Variants in SLC24A2 observed in about 807,000 individuals in gnomAD.
SLC24A2 encodes solute carrier family 24 member 2.
SLC24A2 carries 36 observed loss-of-function variants against 62.0 expected under a neutral mutation model. The ratio of observed to expected loss-of-function variants is 0.58; its 90% CI spans 0.44 to 0.77. SLC24A2 has a LOEUF of 0.77. Ranked by LOEUF, SLC24A2 falls within the 30% of genes least tolerant of loss-of-function variation. The pLI, the probability that SLC24A2 is intolerant of heterozygous loss-of-function variation, is 0.00. For synonymous variants in SLC24A2, 358 were observed against 294.0 expected (o/e 1.22, Z -2.23); for missense variants, 846 against 817.9 (o/e 1.03, Z -0.42).
At chr9:20,036,909 T>G in the SLC24A2 span, among the ~76,000 whole-genome samples, 1 of 105,734 alleles carries the variant, frequency 9.5e-6, no homozygotes, top group African/African-American at 4.1e-5. Flanking sequence ...TATGTATGTA[T>G]GTATATACAT....
At chr9:20,150,086 C>A in the SLC24A2 span, among the ~76,000 whole-genome samples, 1 of 151,952 alleles carries the variant, frequency 6.6e-6, no homozygotes, top group East Asian at 1.9e-4. Flanking sequence ...CATGATTTAT[C>A]ATATTCCCTT....
chr9:19,699,008 G>T (rs536957346), intron 2 of SLC24A2, among the ~76,000 whole-genome samples: 69 of 152,280 alleles, frequency 4.5e-4, no homozygotes, highest in Non-Finnish European at 8.1e-4. Flanking sequence ...CAAATGTATT[G>T]AAAACTTGGC....
At chr9:19,939,709 T>C in the SLC24A2 span, among the ~76,000 whole-genome samples, 1 of 152,196 alleles carries the variant, frequency 6.6e-6, no homozygotes, top group African/African-American at 2.4e-5. Context: ...CACTAGGGGA[T>C]GGGAATTTTT....
At chr9:20,242,913 A>C in the SLC24A2 span, among the ~76,000 whole-genome samples, 545 of 152,288 alleles carry the variant, frequency 3.6e-3, 4 homozygotes, top group African/African-American at 0.013. Flanking sequence ...TCAGCCTTTG[A>C]AAAACTGGGG....
intron 7 of SLC24A2, among the ~76,000 whole-genome samples, chr9:19,559,037 T>C (rs902586746): frequency 6.6e-6 from 1 of 152,216 alleles, no homozygotes; most frequent in Non-Finnish European, 1.5e-5. Flanking sequence ...TAAATACCCA[T>C]TCTTTTACAA....
At chr9:19,655,415 A>G (rs1291432268) in intron 2 of SLC24A2, among the ~76,000 whole-genome samples, 2 of 152,196 alleles carry the variant, frequency 1.3e-5, no homozygotes, top group Non-Finnish European at 2.9e-5. Flanking sequence ...CACCATCTTC[A>G]CAAGAGCAAA....
At chr9:19,903,237 C>T in the SLC24A2 span, among the ~76,000 whole-genome samples, 7 of 152,086 alleles carry the variant, frequency 4.6e-5, no homozygotes, top group Admixed American at 3.3e-4. Context: ...ATCAGGATGC[C>T]AGCCTGGTTG....
In SLC24A2 at chr9:19,625,843, C is replaced by T. The variant is rs753681667; in HGVS notation, c.931-3544G>A. On this transcript the variant is annotated intron_variant, in intron 2 of 10. Transcript: ENST00000341998. ...CTGGGATTACAGGTGCCCGCCACCACGCCCAGCTAATTTTTGTATTCTTAG... is the reference window on the plus strand; with the variant it reads ...CTGGGATTACAGGTGCCCGCCACCATGCCCAGCTAATTTTTGTATTCTTAG... 8.6e-5 allele frequency among the ~76,000 whole-genome samples: 13 copies of T among 152,014 alleles called. 1 individual carries two copies. Among genetic ancestry groups the T allele is most frequent in the Middle Eastern group, 6.8e-3 (2 of 294 alleles).
At chr9:20,078,703 T>A in the SLC24A2 span, among the ~76,000 whole-genome samples, 2 of 152,166 alleles carry the variant, frequency 1.3e-5, no homozygotes, top group African/African-American at 2.4e-5. Context: ...GCCTTCCAGT[T>A]TAGCTCTGAC....
chr9:20,202,883 C>G, the SLC24A2 span, among the ~76,000 whole-genome samples: 48 of 152,156 alleles, frequency 3.2e-4, no homozygotes, highest in Non-Finnish European at 1.2e-4. Flanking sequence ...CTTAATTTTA[C>G]TTTTTGAAGT....
At chr9:20,145,817 T>C in the SLC24A2 span, among the ~76,000 whole-genome samples, 3 of 151,984 alleles carry the variant, frequency 2.0e-5, no homozygotes, top group African/African-American at 7.2e-5. Context: ...GTATATGTCA[T>C]ATACAAATAG....
chr9:20,117,613 T>C, the SLC24A2 span, among the ~76,000 whole-genome samples: 1 of 152,172 alleles, frequency 6.6e-6, no homozygotes, highest in Non-Finnish European at 1.5e-5. Context: ...GTACTTATTA[T>C]GTTTGTCGCT....
the SLC24A2 span, among the ~76,000 whole-genome samples, chr9:19,864,865 G>A: frequency 6.6e-6 from 1 of 151,922 alleles, no homozygotes; most frequent in African/African-American, 2.4e-5. Context: ...AAGATATAAA[G>A]GATATCCAAA....
the SLC24A2 span, among the ~76,000 whole-genome samples, chr9:19,815,051 C>T: frequency 3.9e-5 from 6 of 152,080 alleles, no homozygotes; most frequent in Non-Finnish European, 7.4e-5. Context: ...AAAATGTTTG[C>T]TCTTTTTAAA....
the SLC24A2 span, among the ~76,000 whole-genome samples, chr9:19,917,503 A>G: frequency 1.3e-5 from 2 of 151,900 alleles, no homozygotes; most frequent in Admixed American, 6.6e-5. Context: ...GTATTCATTT[A>G]CCCATCCAGG....
intron 7 of SLC24A2, among the ~76,000 whole-genome samples, chr9:19,568,718 G>T (rs2132831662): frequency 1.3e-5 from 2 of 152,322 alleles, no homozygotes; most frequent in Middle Eastern, 3.4e-3. Flanking sequence ...AAAGCACATT[G>T]CTCCTGTATT....
the SLC24A2 span, among the ~76,000 whole-genome samples, chr9:19,807,496 G>C: frequency 6.6e-6 from 1 of 152,160 alleles, no homozygotes; most frequent in African/African-American, 2.4e-5. Context: ...AAGAAATTAG[G>C]TATATTTAGG....
chr9:19,574,872 G>A (rs1353821680), intron 6 of SLC24A2, among the ~76,000 whole-genome samples: 1 of 152,172 alleles, frequency 6.6e-6, no homozygotes, highest in Non-Finnish European at 1.5e-5. Context: ...GAATGAGGCT[G>A]TAGTATGCTG....
At chr9:19,831,834 T>C in the SLC24A2 span, among the ~76,000 whole-genome samples, 19 of 152,364 alleles carry the variant, frequency 1.2e-4, no homozygotes, top group African/African-American at 3.6e-4. Flanking sequence ...ATTCAAATCA[T>C]AATTGCATTT....
Sources: gnomAD v4.1 joint callset for allele counts (sites outside exome capture counted in the v4.1 genomes callset) on GRCh38, gnomAD v4.1.1 for gene constraint, MANE v1.5 for transcripts, NCBI Gene and HGNC (gene_info 2026-07-23, HGNC 2026-07-21) for gene names.